TRPM4: variants seen among roughly 807,000 people sequenced by gnomAD.
TRPM4 encodes transient receptor potential cation channel subfamily M member 4.
A neutral mutation model predicts 135.6 loss-of-function variants in TRPM4; 124 were observed. The ratio of observed to expected loss-of-function variants is 0.91; its 90% CI spans 0.79 to 1.06. The LOEUF is 1.06. Ranked by LOEUF, TRPM4 falls within the 50% of genes least tolerant of loss-of-function variation. The probability of loss-of-function intolerance (pLI) is 0.00; values close to 1 mark genes in which losing one functional copy is unlikely to be tolerated. For synonymous variants in TRPM4, 745 were observed against 705.6 expected, an observed-to-expected ratio of 1.06 and a Z score of -0.88; for missense variants, 1,658 against 1,671.4, an observed-to-expected ratio of 0.99 and a Z score of 0.14.
chr19:49,196,524 G>A lies in TRPM4; in HGVS notation c.2295G>A (p.Gly765=). The A allele has an allele frequency of 1.3e-6, 2 of 1,554,062 alleles. No individual in the cohort carries two copies. Among genetic ancestry groups the A allele is most frequent in the Non-Finnish European group, 1.7e-6 (2 of 1,153,660 alleles). ...RPGCCGGRCG[G]RRCLRRWFHF... ...GTTGCTGCGGGGGCCGCTGCGGGGG[G>A]CGCCGGTGCCTACGCCGCTGGTTCC... The change falls in exon 17 of 25, where the codon GGG becomes GGA. Residue 765 remains glycine (G), a synonymous_variant. Coordinates refer to ENST00000252826, the MANE Select transcript of TRPM4 (RefSeq NM_017636.4).
At position 49,183,085 on chromosome 19, in the gene TRPM4, TGCTCTCGGACAAG is replaced by T; in HGVS notation, c.1619_1631del (p.Leu540ProfsTer26). 6.2e-7 allele frequency: 1 copy of T among 1,612,354 alleles called. No homozygotes were observed. Among genetic ancestry groups the T allele is most frequent in the Non-Finnish European group, 8.5e-7 (1 of 1,179,982 alleles). ...CCCTCCTTTTGCTGGCAGATGTATCTGCTCTCGGACAAGGCCACCTCGCCGCTCTCGCTGGATG... is the reference window on the plus strand; with the variant it reads ...CCCTCCTTTTGCTGGCAGATGTATCTGCCACCTCGCCGCTCTCGCTGGATG... On this transcript the variant is annotated frameshift_variant, in exon 12 of 25. Coordinates refer to ENST00000252826, the MANE Select transcript of TRPM4 (RefSeq NM_017636.4). LOFTEE classifies it high-confidence loss of function.
At position 49,171,442 on chromosome 19, in the gene TRPM4, TCTAAGGGGGA is replaced by T; in HGVS notation, c.858+25_858+34del. The T allele has an allele frequency of 6.2e-7, 1 of 1,613,840 alleles. No homozygotes were observed. The highest frequency in any genetic ancestry group is 8.5e-7 in the Non-Finnish European group (1 of 1,179,918). On this transcript the variant is annotated intron_variant, in intron 7 of 24. Coordinates refer to ENST00000252826, the MANE Select transcript of TRPM4 (RefSeq NM_017636.4). The surrounding 1 kb of genome is among the most constrained non-coding windows in gnomAD (Gnocchi z 4.7). ...CGGTATAGGGGCCCGGATGCCCGGA[TCTAAGGGGGA>T]AGGAGGGTTGGGGGCCAGGACTCCT...
chr19:49,160,295 G>C lies in TRPM4; in HGVS notation c.92+2036G>C, dbSNP rs1966913215. 2.0e-5 allele frequency among the ~76,000 whole-genome samples: 3 copies of C among 152,124 alleles called. No homozygotes were observed. In the South Asian group the frequency reaches 6.2e-4, roughly 32 times the overall value. On this transcript the variant is annotated intron_variant, in intron 2 of 24. Transcript: ENST00000252826. ...CACCTAAGTCAGGAGTTCGAGACCAGCTTGGCTAACATGGTGCAACCCTAT... is the reference window on the plus strand; with the variant it reads ...CACCTAAGTCAGGAGTTCGAGACCACCTTGGCTAACATGGTGCAACCCTAT...
intron 20 of TRPM4, among the ~76,000 whole-genome samples, chr19:49,208,956 CAAAA>C (rs35021741): frequency 1.9e-5 from 2 of 104,002 alleles, no homozygotes; most frequent in Non-Finnish European, 2.0e-5. Context: ...AAGACTCCAT[CAAAA>C]AAAAAAAAAA....
Position 49,158,233 on chromosome 19 carries a change from G to T in TRPM4, c.66G>T (p.Thr22=), listed in dbSNP as rs1003340287. ...TCTTCAAGAAGAAGACCTGCACGAC[G>T]TTCATAGTTGACTCCACAGATCCGG... The part of the protein sequence containing the change: ...PKIFKKKTCT[T]FIVDSTDPGG... The change falls in exon 2 of 25, where the codon ACG becomes ACT. Residue 22 remains threonine (T), a synonymous_variant. Coordinates refer to ENST00000252826, the MANE Select transcript of TRPM4 (RefSeq NM_017636.4). The T allele has an allele frequency of 6.2e-7, 1 of 1,613,896 alleles. No individual in the cohort carries two copies. Among genetic ancestry groups the T allele is most frequent in the Non-Finnish European group, 8.5e-7 (1 of 1,179,952 alleles).
chr19:49,174,734 ACT>A (rs138486674), intron 9 of TRPM4, among the ~76,000 whole-genome samples: 1,996 of 140,604 alleles, frequency 0.014, 48 homozygotes, highest in African/African-American at 0.05. Context: ...ATAGGGCAAG[ACT>A]CTGTCTCAAA....
At chr19:49,188,812 C>A in intron 13 of TRPM4, 42 bp downstream of exon 13, 1 of 1,613,020 alleles carries the variant, frequency 6.2e-7, no homozygotes, top group Non-Finnish European at 8.5e-7. Context: ...CGGGGGCTGC[C>A]GCCAGAGGGG....
chr19:49,168,147 A>T, intron 4 of TRPM4, 50 bp downstream of exon 4: 1 of 1,592,798 alleles, frequency 6.3e-7, no homozygotes, highest in Non-Finnish European at 8.6e-7. Context: ...CCTGCCTGCC[A>T]TCTCCCCCAC....
In TRPM4 at chr19:49,210,770, A is replaced by C; in HGVS notation, c.3389A>C (p.Glu1130Ala). 6.2e-7 allele frequency: 1 copy of C among 1,614,102 alleles called. No homozygotes were observed. The highest frequency in any genetic ancestry group is 8.5e-7 in the Non-Finnish European group (1 of 1,180,034). The change falls in exon 22 of 25, where the codon GAG becomes GCG. Residue 1130 changes from glutamate to alanine, a missense_variant. Physicochemically the swap from Glu to Ala is moderately radical, Grantham distance 107. Transcript: ENST00000252826. The surrounding 1 kb of genome is among the most constrained non-coding windows in gnomAD (Gnocchi z 4.1). ...KLLTWESVHKENFLLARARDK... is the reference protein window; with the variant it reads ...KLLTWESVHKANFLLARARDK... ...CTAACGTGGGAATCGGTGCATAAGGAGAACTTTCTGCTGGCACGCGCTAGG... is the reference window on the plus strand; with the variant it reads ...CTAACGTGGGAATCGGTGCATAAGGCGAACTTTCTGCTGGCACGCGCTAGG...
At chr19:49,208,688 CTT>C (rs1231829995) in intron 20 of TRPM4, among the ~76,000 whole-genome samples, 2 of 151,826 alleles carry the variant, frequency 1.3e-5, no homozygotes, top group Non-Finnish European at 2.9e-5. Context: ...TAGTATAACT[CTT>C]GTTATTTTAT....
At position 49,157,857 on chromosome 19, in the gene TRPM4, C is replaced by A. The variant is rs752071857; in HGVS notation, c.-10C>A. 1.3e-6 allele frequency: 2 copies of A among 1,534,384 alleles called. No individual in the cohort carries two copies. Among genetic ancestry groups the A allele is most frequent in the East Asian group, 2.4e-5 (1 of 40,874 alleles). ...CCTGGGCTGCAGGAGGTTGCGGCGGCCGCGGCAGCATGGTGGTGCCGGAGA... is the reference window on the plus strand; with the variant it reads ...CCTGGGCTGCAGGAGGTTGCGGCGGACGCGGCAGCATGGTGGTGCCGGAGA... On this transcript the variant is annotated 5_prime_UTR_variant, in exon 1 of 25. Coordinates refer to ENST00000252826, the MANE Select transcript of TRPM4 (RefSeq NM_017636.4).
chr19:49,209,688 G>A (rs891262583), intron 20 of TRPM4, among the ~76,000 whole-genome samples: 7 of 149,956 alleles, frequency 4.7e-5, no homozygotes, highest in South Asian at 2.1e-4. Context: ...ACCTTATACC[G>A]TGATACCATC....
chr19:49,176,850 C>G (rs1967713920), intron 9 of TRPM4, among the ~76,000 whole-genome samples: 2 of 152,124 alleles, frequency 1.3e-5, no homozygotes, highest in South Asian at 4.1e-4. Flanking sequence ...GACTCTGTCT[C>G]AAAAACAAAC....
rs578091446 is a variant in TRPM4 at position 49,200,539 on chromosome 19, G to T, written c.2779-72G>T. The T allele has an allele frequency of 1.2e-4, 192 of 1,596,142 alleles. No homozygotes were observed. In the African/African-American group the frequency reaches 2.4e-3, roughly 20 times the overall value. On this transcript the variant is annotated intron_variant, in intron 18 of 24. Coordinates refer to ENST00000252826, the MANE Select transcript of TRPM4 (RefSeq NM_017636.4). ...GCGTGACTTTGGGGAGCAATGGGGC[G>T]TGTTTTTGGGATATAGGGGTGGGGC...
intron 16 of TRPM4, among the ~76,000 whole-genome samples, chr19:49,191,628 T>C (rs1363580450): frequency 6.6e-6 from 1 of 151,996 alleles, no homozygotes; most frequent in Non-Finnish European, 1.5e-5. Flanking sequence ...GCCTCCCGAA[T>C]AGCTGGGACT....
intron 17 of TRPM4, among the ~76,000 whole-genome samples, chr19:49,197,374 C>T (rs1968727445): frequency 9.1e-6 from 1 of 109,894 alleles, no homozygotes; most frequent in African/African-American, 3.6e-5. Flanking sequence ...CTCTCTCTTT[C>T]TTTTCTTTCT....
intron 12 of TRPM4, among the ~76,000 whole-genome samples, chr19:49,187,598 T>C (rs938390209): frequency 2.0e-5 from 3 of 152,098 alleles, no homozygotes; most frequent in Admixed American, 2.0e-4. Flanking sequence ...ATCCTCCTCA[T>C]TTGTAACCAC....
At chr19:49,178,720 G>A (rs903076423) in intron 9 of TRPM4, among the ~76,000 whole-genome samples, 2 of 144,558 alleles carry the variant, frequency 1.4e-5, no homozygotes, top group Non-Finnish European at 3.1e-5. Flanking sequence ...CCAGATTAAG[G>A]CGGAATATAA....
chr19:49,201,896 C>T lies in TRPM4; in HGVS notation c.2954-68C>T, dbSNP rs1228435435. 1.3e-5 allele frequency: 21 copies of T among 1,566,462 alleles called. No homozygotes were observed. In the Middle Eastern group the frequency reaches 5.0e-4, roughly 38 times the overall value. Reference sequence around the variant, plus strand: ...GATTACAGGCGTGAGCCACCGCGCCCGGCAGTCTTCCTGTCTTTCTTAGGT... The same window carrying T: ...GATTACAGGCGTGAGCCACCGCGCCTGGCAGTCTTCCTGTCTTTCTTAGGT... On this transcript the variant is annotated intron_variant, in intron 19 of 24. Coordinates refer to ENST00000252826, the MANE Select transcript of TRPM4 (RefSeq NM_017636.4).
Sources: allele counts gnomAD v4.1 joint callset (sites outside exome capture counted in the v4.1 genomes callset), GRCh38; gene constraint gnomAD v4.1.1; non-coding constraint Gnocchi (gnomAD v3.1); transcripts MANE v1.5; gene names NCBI Gene and HGNC (gene_info 2026-07-23, HGNC 2026-07-21).